RAB28: variants seen among roughly 807,000 people sequenced by gnomAD.
RAB28 encodes ras-related protein Rab-28.
A neutral mutation model predicts 31.7 loss-of-function variants in RAB28; 24 were observed. The observed-to-expected ratio is 0.76, with a 90% CI of 0.55 to 1.06. The LOEUF is 1.06. Among genes scored for constraint, RAB28 ranks in the 50% least tolerant of loss-of-function variants. The pLI, the probability that RAB28 is intolerant of heterozygous loss-of-function variation, is 0.00. For synonymous variants in RAB28, 100 were observed against 90.4 expected, an observed-to-expected ratio of 1.11 and a Z score of -0.60; for missense variants, 254 against 258.5, an observed-to-expected ratio of 0.98 and a Z score of 0.12.
At chr4:13,427,905 G>A (rs773073273) in intron 4 of RAB28, among the ~76,000 whole-genome samples, 5 of 152,134 alleles carry the variant, frequency 3.3e-5, no homozygotes, top group African/African-American at 7.2e-5. Context: ...TGCTTTATTC[G>A]GCTGGGAGCT....
chr4:13,382,426 GA>G (rs572510139), intron 4 of RAB28, among the ~76,000 whole-genome samples: 3 of 145,666 alleles, frequency 2.1e-5, no homozygotes, highest in South Asian at 2.2e-4. Flanking sequence ...GTCAATATAG[GA>G]AAAAAAAAAC....
chr4:13,415,051 T>C (rs937480330), intron 4 of RAB28, among the ~76,000 whole-genome samples: 1 of 152,192 alleles, frequency 6.6e-6, no homozygotes, highest in Non-Finnish European at 1.5e-5. Context: ...TCAAGAATTT[T>C]AGACAATTCA....
chr4:13,479,252 A>G (rs940728219), intron 2 of RAB28, among the ~76,000 whole-genome samples, 178 bp downstream of exon 2: 2 of 151,656 alleles, frequency 1.3e-5, no homozygotes, highest in African/African-American at 2.4e-5. Context: ...TCTTATACCC[A>G]TGGACAATAT....
chr4:13,404,249 ATGCCT>A (rs1292302875), intron 4 of RAB28, among the ~76,000 whole-genome samples: 2 of 152,196 alleles, frequency 1.3e-5, no homozygotes, highest in Admixed American at 6.5e-5. Context: ...GGGGTGGCGC[ATGCCT>A]ATAATCCCAG....
intron 3 of RAB28, among the ~76,000 whole-genome samples, chr4:13,469,142 T>C (rs549427582): frequency 2.6e-5 from 4 of 152,110 alleles, no homozygotes; most frequent in African/African-American, 9.6e-5. Context: ...TTCTGATCCC[T>C]TCCAGAAAAC....
chr4:13,413,330 C>T (rs1213249037), intron 4 of RAB28, among the ~76,000 whole-genome samples: 2 of 152,086 alleles, frequency 1.3e-5, no homozygotes, highest in Non-Finnish European at 2.9e-5. Context: ...AAATTCAATA[C>T]TGAAAAACAG....
intron 4 of RAB28, among the ~76,000 whole-genome samples, chr4:13,413,694 T>G (rs80081094): frequency 0.015 from 2,310 of 152,224 alleles, 17 homozygotes; most frequent in Non-Finnish European, 0.025. Flanking sequence ...AAAGAAGAGA[T>G]AGTTTTTTTA....
chr4:13,390,627 AG>A, intron 4 of RAB28, among the ~76,000 whole-genome samples: 1 of 151,802 alleles, frequency 6.6e-6, no homozygotes. Flanking sequence ...ACAAACCTGG[AG>A]GCATCAAACT....
At chr4:13,476,439 T>C (rs1459192323) in intron 2 of RAB28, among the ~76,000 whole-genome samples, 1 of 151,590 alleles carries the variant, frequency 6.6e-6, no homozygotes, top group Non-Finnish European at 1.5e-5. Flanking sequence ...GATAGTCCAC[T>C]AATATAGAAT....
intron 3 of RAB28, among the ~76,000 whole-genome samples, chr4:13,462,167 C>T (rs1261254807): frequency 6.6e-6 from 1 of 152,154 alleles, no homozygotes; most frequent in African/African-American, 2.4e-5. Context: ...TAGTGAGACA[C>T]TGGTAAATAT....
rs138925505 is a variant in RAB28, at chr4:13,372,053, C to T, written c.574-3403G>A. Among the ~76,000 whole-genome samples the T allele has an allele frequency of 6.6e-3, 999 of 152,170 alleles. 3 individuals are homozygous for T. Among genetic ancestry groups the T allele is most frequent in the Middle Eastern group, 0.02 (6 of 294 alleles). ...ACTCTGTGCAAAAGCCATAGTTTGT[C>T]ATGGCCAGGATATGGAGTAAACATA... On this transcript the variant is annotated intron_variant, in intron 6 of 6. Transcript: ENST00000330852.
At position 13,459,945 on chromosome 4, in the gene RAB28, A is replaced by G. The variant is rs190275945; in HGVS notation, c.391+754T>C. 6.3e-6 allele frequency: 8 copies of G among 1,272,590 alleles called. No homozygotes were observed. The East Asian group carries it at 3.3e-4, about 53-fold the overall frequency. 78.8% of individuals were successfully genotyped at this position (1,272,590 alleles called of 1,614,324 possible). ...CCTAGACCACAGGAAGCCAAAACACACACTGTCAGAACTAAACTTACCTTC... is the reference window on the plus strand; with the variant it reads ...CCTAGACCACAGGAAGCCAAAACACGCACTGTCAGAACTAAACTTACCTTC... On this transcript the variant is annotated intron_variant, in intron 4 of 6. Coordinates refer to ENST00000330852, the MANE Select transcript of RAB28 (RefSeq NM_001017979.3).
At position 13,381,584 on chromosome 4, in the gene RAB28, C is replaced by T. The variant is rs1729132013; in HGVS notation, c.402G>A (p.Glu134=). 3 of 1,611,502 alleles carry T rather than the reference C, an allele frequency of 1.9e-6. No individual in the cohort carries two copies. Among genetic ancestry groups the T allele is most frequent in the East Asian group, 4.5e-5 (2 of 44,752 alleles). The stretch of plus-strand genomic sequence containing the variant: ...TTTCAGGTTTTATTGTTCGCATATG[C>T]TCCAAATCAACTAGAAAGGTGTTAA... ...VALVGNKIDL[E]HMRTIKPEKH... Residue 134 remains glutamate (E), a synonymous_variant, in exon 5 of 7, where the codon GAG becomes GAA. Transcript: ENST00000330852.
chr4:13,459,208 A>C (rs909741282), intron 4 of RAB28, among the ~76,000 whole-genome samples: 3 of 152,162 alleles, frequency 2.0e-5, no homozygotes, highest in Admixed American at 6.5e-5. Context: ...CCACAGACTG[A>C]AGGCTGCACT....
rs1325965623 is a variant in RAB28 at position 13,368,658 on chromosome 4, A to G, written c.574-8T>C. On this transcript the variant is annotated splice_polypyrimidine_tract_variant and splice_region_variant and intron_variant, in intron 6 of 6. Coordinates refer to ENST00000330852, the MANE Select transcript of RAB28 (RefSeq NM_001017979.3). ...ATCTGCCTTCACCACCCTCTGTCAT[A>G]AAAGAAAACAGAGTTATTATCAGGA... is the stretch of plus-strand genomic sequence containing the variant. 1.2e-6 allele frequency: 2 copies of G among 1,600,214 alleles called. No homozygotes were observed. Among genetic ancestry groups the G allele is most frequent in the Non-Finnish European group, 1.7e-6 (2 of 1,169,482 alleles).
intron 2 of RAB28, among the ~76,000 whole-genome samples, chr4:13,476,161 C>T (rs1716350921): frequency 6.6e-6 from 1 of 151,450 alleles, no homozygotes; most frequent in Non-Finnish European, 1.5e-5. Flanking sequence ...ATATTCAGAT[C>T]CTATCTGAAT....
intron 3 of RAB28, among the ~76,000 whole-genome samples, chr4:13,466,389 T>G (rs541673896): frequency 7.4e-4 from 113 of 151,982 alleles, no homozygotes; most frequent in African/African-American, 2.4e-3. Context: ...ATTTAAAAAT[T>G]GGCAAGAGAC....
intron 6 of RAB28, among the ~76,000 whole-genome samples, chr4:13,373,543 C>T (rs1430533072): frequency 6.6e-6 from 1 of 152,068 alleles, no homozygotes; most frequent in African/African-American, 2.4e-5. Context: ...CTAGTGTGGC[C>T]CCCTGGCATT....
chr4:13,376,866 C>T (rs1019343184), intron 5 of RAB28, among the ~76,000 whole-genome samples: 3 of 152,088 alleles, frequency 2.0e-5, no homozygotes, highest in Admixed American at 6.5e-5. Flanking sequence ...TCTAAACACA[C>T]ACATGAAAGA....
Sources: allele counts gnomAD v4.1 joint callset (sites outside exome capture counted in the v4.1 genomes callset), GRCh38; gene constraint gnomAD v4.1.1; transcripts MANE v1.5; gene names NCBI Gene and HGNC (gene_info 2026-07-23, HGNC 2026-07-21).